LRRC10B: variants seen among roughly 807,000 people sequenced by gnomAD.
LRRC10B encodes the protein leucine rich repeat containing 10B.
For synonymous variants in LRRC10B, 204 were observed against 221.5 expected, an observed-to-expected ratio of 0.92 and a Z score of 0.70; for missense variants, 389 against 436.5, an observed-to-expected ratio of 0.89 and a Z score of 0.97.
Position 61,509,132 on chromosome 11 carries a change from G to T in LRRC10B, c.134G>T (p.Arg45Leu), listed in dbSNP as rs2062071783. 2 of 1,524,850 alleles carry T rather than the reference G, an allele frequency of 1.3e-6. No homozygotes were observed. The highest frequency in any genetic ancestry group is 2.0e-5 in the Admixed American group (1 of 50,110). The allele number at this position is 1,524,850 out of a possible 1,614,324, so 94.5% of individuals were successfully genotyped here. The change falls in exon 1 of 1, where the codon CGC (arginine) becomes CTC (leucine). Residue 45 changes from arginine (R) to leucine (L), a missense_variant. Transcript: ENST00000378075. ...RLPSAVCALS[R>L]LQKLYVSGTG... is the part of the protein sequence containing the mutation. ...CCCAGCGCAGTGTGCGCGCTGAGCC[G>T]CCTGCAGAAGCTGTATGTGAGCGGC...
chr11:61,508,992 C>T lies in LRRC10B; in HGVS notation c.-7C>T. 5 of 1,352,878 alleles carry T rather than the reference C, an allele frequency of 3.7e-6. No homozygotes were observed. The highest frequency in any genetic ancestry group is 3.1e-5 in the East Asian group (1 of 32,170). 83.8% of individuals were successfully genotyped at this position (1,352,878 alleles called of 1,614,324 possible). ...AGTGGCGGCGGCCCCGGCCGGGGCC[C>T]GTGACCATGGGCATCGCCGAGTCCA... On this transcript the variant is annotated 5_prime_UTR_variant, in exon 1 of 1. Transcript: ENST00000378075.
In LRRC10B at chr11:61,509,560, G is replaced by T. The variant is rs939660727; in HGVS notation, c.562G>T (p.Asp188Tyr). 44 of 1,519,116 alleles carry T rather than the reference G, an allele frequency of 2.9e-5. No individual in the cohort carries two copies. The highest frequency in any genetic ancestry group is 3.7e-5 in the Non-Finnish European group (42 of 1,140,494). The allele number at this position is 1,519,116 out of a possible 1,614,324, so 94.1% of individuals were successfully genotyped here. The change falls in exon 1 of 1, where the codon GAC becomes TAC. Residue 188 changes from aspartate (D) to tyrosine (Y), a missense_variant. By Grantham distance (160) the Asp-to-Tyr change is radical. Coordinates refer to ENST00000378075, the MANE Select transcript of LRRC10B (RefSeq NM_001145077.2). The part of the protein sequence containing the change: ...LLRMGRLHIL[D>Y]LDRNRLGGFP... ...GCGCATGGGCCGCCTGCACATCCTC[G>T]ACCTCGACCGCAACCGCCTGGGCGG...
At position 61,509,917 on chromosome 11, in the gene LRRC10B, G is replaced by C; in HGVS notation, c.*40G>C. On this transcript the variant is annotated 3_prime_UTR_variant, in exon 1 of 1. Transcript: ENST00000378075. ...TGATGGGCTTCAGCCACTCTGAGAGGAGGGGCTCTAGGAAGCTTTGGCTGG... is the reference window on the plus strand; with the variant it reads ...TGATGGGCTTCAGCCACTCTGAGAGCAGGGGCTCTAGGAAGCTTTGGCTGG... 6.9e-7 allele frequency: 1 copy of C among 1,450,768 alleles called. No homozygotes were observed. The highest frequency in any genetic ancestry group is 9.1e-7 in the Non-Finnish European group (1 of 1,104,928). The allele number at this position is 1,450,768 out of a possible 1,614,324, so 89.9% of individuals were successfully genotyped here.
Position 61,509,960 on chromosome 11 carries a change from G to GA in LRRC10B, c.*83_*84insA. ...TTGGCTGGTTAGGCCTGCGGGACTG[G>GA]TGGGTCCCTACTTAGGTCAATGGAA... is the stretch of plus-strand genomic sequence containing the variant. On this transcript the variant is annotated 3_prime_UTR_variant, in exon 1 of 1. Transcript: ENST00000378075. 7.4e-7 allele frequency: 1 copy of GA among 1,359,818 alleles called. No homozygotes were observed. Among genetic ancestry groups the GA allele is most frequent in the Non-Finnish European group, 9.7e-7 (1 of 1,035,600 alleles). 84.2% of individuals were successfully genotyped at this position (1,359,818 alleles called of 1,614,324 possible). A position where few individuals can be genotyped will look rare whatever the true frequency, so the allele number is the denominator to read the frequency against.
At position 61,510,119 on chromosome 11, in the gene LRRC10B, C is replaced by G. The variant is rs1590796016; in HGVS notation, c.*242C>G. On this transcript the variant is annotated 3_prime_UTR_variant, in exon 1 of 1. Transcript: ENST00000378075. ...TCAGACCAAGAAGTCTGGGCTGGGT[C>G]CAGTCCCCGATGGAGCCACTGATAA... The G allele has an allele frequency of 2.2e-6, 1 of 456,850 alleles. No homozygotes were observed. Among genetic ancestry groups the G allele is most frequent in the East Asian group, 3.6e-5 (1 of 27,476 alleles). 28.3% of individuals were successfully genotyped at this position (456,850 alleles called of 1,614,324 possible). A position where few individuals can be genotyped will look rare whatever the true frequency, so the allele number is the denominator to read the frequency against.
rs867837550 is a variant in LRRC10B, at chr11:61,508,889, G to A, written c.-110G>A. On this transcript the variant is annotated 5_prime_UTR_variant, in exon 1 of 1. Coordinates refer to ENST00000378075, the MANE Select transcript of LRRC10B (RefSeq NM_001145077.2). ...GGCGCGGGGGAAGGCCGGGGCGGGG[G>A]GCCCGGGGGCCGGCGCGGCTCCGGC... is the stretch of plus-strand genomic sequence containing the variant. 4.8e-6 allele frequency: 4 copies of A among 832,688 alleles called. No individual in the cohort carries two copies. The highest frequency in any genetic ancestry group is 6.1e-4 in the Middle Eastern group (1 of 1,650). The allele number at this position is 832,688 out of a possible 1,614,324, so 51.6% of individuals were successfully genotyped here. A position where few individuals can be genotyped will look rare whatever the true frequency, so the allele number is the denominator to read the frequency against.
In LRRC10B at chr11:61,509,240, G is replaced by T. The variant is rs1230452921; in HGVS notation, c.242G>T (p.Arg81Leu). The T allele has an allele frequency of 6.5e-7, 1 of 1,530,084 alleles. No homozygotes were observed. The highest frequency in any genetic ancestry group is 8.7e-7 in the Non-Finnish European group (1 of 1,144,198). The allele number at this position is 1,530,084 out of a possible 1,614,324, so 94.8% of individuals were successfully genotyped here. ...ILALDFNKLE[R>L]LPDGLCRLPR... ...GCGCTGGACTTCAACAAGCTCGAGCGACTGCCTGACGGCCTGTGCCGCCTG... is the reference window on the plus strand; with the variant it reads ...GCGCTGGACTTCAACAAGCTCGAGCTACTGCCTGACGGCCTGTGCCGCCTG... Residue 81 changes from arginine to leucine, a missense_variant, in exon 1 of 1, where the codon CGA (arginine) becomes CTA (leucine). Transcript: ENST00000378075.
Position 61,509,584 on chromosome 11 carries a change from G to T in LRRC10B, c.586G>T (p.Gly196Cys), listed in dbSNP as rs755400285. Residue 196 changes from glycine to cysteine, a missense_variant, in exon 1 of 1, where the codon GGC becomes TGC. Transcript: ENST00000378075. The part of the protein sequence containing the change: ...ILDLDRNRLG[G>C]FPDLHPLRAL... ...CGACCTCGACCGCAACCGCCTGGGC[G>T]GCTTCCCCGACCTGCACCCGCTGCG... is the stretch of plus-strand genomic sequence containing the variant. 8.5e-6 allele frequency: 13 copies of T among 1,520,730 alleles called. No individual in the cohort carries two copies. In the African/African-American group the frequency reaches 1.0e-4, roughly 12 times the overall value. 94.2% of individuals were successfully genotyped at this position (1,520,730 alleles called of 1,614,324 possible). A position where few individuals can be genotyped will look rare whatever the true frequency, so the allele number is the denominator to read the frequency against.
In LRRC10B at chr11:61,508,859, C is replaced by A. The variant is rs1046034727; in HGVS notation, c.-140C>A. 38 of 605,872 alleles carry A rather than the reference C, an allele frequency of 6.3e-5. 1 individual carries two copies. Among genetic ancestry groups the A allele is most frequent in the Non-Finnish European group, 7.8e-5 (38 of 485,008 alleles). The allele number at this position is 605,872 out of a possible 1,614,324, so 37.5% of individuals were successfully genotyped here. ...CTCCTCCCGGCCCCGCACGGCCCCC[C>A]TCCCGGCGCGGGGGAAGGCCGGGGC... On this transcript the variant is annotated 5_prime_UTR_variant, in exon 1 of 1. Coordinates refer to ENST00000378075, the MANE Select transcript of LRRC10B (RefSeq NM_001145077.2).
chr11:61,509,819 T>C lies in LRRC10B; in HGVS notation c.821T>C (p.Leu274Pro). ...ATAGGCGGCGCTGGTTCCCGGGCTC[T>C]GGGCGCCCCCGGGGGCAGCTTCCGC... ...LLIGGAGSRA[L>P]GAPGGSFRAL... is the part of the protein sequence containing the mutation. Residue 274 changes from leucine to proline, a missense_variant, in exon 1 of 1, where the codon CTG (leucine) becomes CCG (proline). Leu to Pro is a moderately conservative substitution (Grantham distance 98). Coordinates refer to ENST00000378075, the MANE Select transcript of LRRC10B (RefSeq NM_001145077.2). 1 of 1,532,532 alleles carries C rather than the reference T, an allele frequency of 6.5e-7. No homozygotes were observed. The highest frequency in any genetic ancestry group is 8.7e-7 in the Non-Finnish European group (1 of 1,143,030). 94.9% of individuals were successfully genotyped at this position (1,532,532 alleles called of 1,614,324 possible).
rs2062069718 is a variant in LRRC10B, at chr11:61,508,824, A to G, written c.-175A>G. On this transcript the variant is annotated 5_prime_UTR_variant, in exon 1 of 1. Transcript: ENST00000378075. ...GCGCGGCGCGCGGCGGCGGTGCCCC[A>G]AGTGGGTGCCTCCTCCCGGCCCCGC... The G allele has an allele frequency of 7.3e-6, 2 of 273,018 alleles. No homozygotes were observed. Among genetic ancestry groups the G allele is most frequent in the African/African-American group, 4.7e-5 (2 of 42,988 alleles). The allele number at this position is 273,018 out of a possible 1,614,324, so 16.9% of individuals were successfully genotyped here. A position where few individuals can be genotyped will look rare whatever the true frequency, so the allele number is the denominator to read the frequency against.
At position 61,509,499 on chromosome 11, in the gene LRRC10B, C is replaced by A; in HGVS notation, c.501C>A (p.Tyr167Ter). ...CGGGCTTGCGCGGCCTCTGGCTCTACGGCAACCGCTTCGAGGAGTTCCCGC... is the reference window on the plus strand; with the variant it reads ...CGGGCTTGCGCGGCCTCTGGCTCTAAGGCAACCGCTTCGAGGAGTTCCCGC... ...RMTGLRGLWL[Y>*]GNRFEEFPPA... Residue 167 changes from tyrosine (Y) to a stop codon, truncating the protein, a stop_gained, in exon 1 of 1, where the codon TAC becomes TAA. Coordinates refer to ENST00000378075, the MANE Select transcript of LRRC10B (RefSeq NM_001145077.2). LOFTEE classifies it low-confidence loss of function (END_TRUNC). 1 of 1,509,202 alleles carries A rather than the reference C, an allele frequency of 6.6e-7. No individual in the cohort carries two copies. Among genetic ancestry groups the A allele is most frequent in the Non-Finnish European group, 8.8e-7 (1 of 1,137,194 alleles). 93.5% of individuals were successfully genotyped at this position (1,509,202 alleles called of 1,614,324 possible).
At position 61,509,404 on chromosome 11, in the gene LRRC10B, G is replaced by C; in HGVS notation, c.406G>C (p.Val136Leu). The C allele has an allele frequency of 6.7e-7, 1 of 1,492,002 alleles. No homozygotes were observed. The highest frequency in any genetic ancestry group is 1.3e-5 in the South Asian group (1 of 78,624). 92.4% of individuals were successfully genotyped at this position (1,492,002 alleles called of 1,614,324 possible). The change falls in exon 1 of 1, where the codon GTG (valine) becomes CTG (leucine). Residue 136 changes from valine to leucine, a missense_variant. Transcript: ENST00000378075. ...RRFPRPLLRL[V>L]ALQSLQMGDN... Reference sequence around the variant, plus strand: ...CTTCCCGCGGCCGCTGCTGCGCCTGGTGGCGCTGCAGTCGCTCCAGATGGG... The same window carrying C: ...CTTCCCGCGGCCGCTGCTGCGCCTGCTGGCGCTGCAGTCGCTCCAGATGGG...
Position 61,509,652 on chromosome 11 carries a change from G to T in LRRC10B, c.654G>T (p.Gly218=). The T allele has an allele frequency of 1.3e-6, 2 of 1,519,984 alleles. No individual in the cohort carries two copies. The highest frequency in any genetic ancestry group is 1.8e-6 in the Non-Finnish European group (2 of 1,139,730). The allele number at this position is 1,519,984 out of a possible 1,614,324, so 94.2% of individuals were successfully genotyped here. A position where few individuals can be genotyped will look rare whatever the true frequency, so the allele number is the denominator to read the frequency against. Residue 218 remains glycine, a synonymous_variant, in exon 1 of 1, where the codon GGG becomes GGT. Transcript: ENST00000378075. ...CCTACGACCACAACCCCGTCACCGGGCCCCCGCGCGTCGCGGACACCGTGT... is the reference window on the plus strand; with the variant it reads ...CCTACGACCACAACCCCGTCACCGGTCCCCCGCGCGTCGCGGACACCGTGT... ...VFSYDHNPVT[G]PPRVADTVFL... is the part of the protein sequence containing the mutation.
chr11:61,509,009 C>G lies in LRRC10B; in HGVS notation c.11C>G (p.Ala4Gly). ...CCGGGGCCCGTGACCATGGGCATCG[C>G]CGAGTCCACGCCGGATGAGCTGCCG... MGIAESTPDELPSD... is the reference protein window; with the variant it reads MGIGESTPDELPSD... The change falls in exon 1 of 1, where the codon GCC (alanine) becomes GGC (glycine). Residue 4 changes from alanine to glycine, a missense_variant. By Grantham distance (60) the Ala-to-Gly change is moderately conservative (BLOSUM62 0). Coordinates refer to ENST00000378075, the MANE Select transcript of LRRC10B (RefSeq NM_001145077.2). 7.1e-7 allele frequency: 1 copy of G among 1,409,014 alleles called. No individual in the cohort carries two copies. Among genetic ancestry groups the G allele is most frequent in the Non-Finnish European group, 9.2e-7 (1 of 1,089,774 alleles). The allele number at this position is 1,409,014 out of a possible 1,614,324, so 87.3% of individuals were successfully genotyped here.
In LRRC10B at chr11:61,509,573, AC is replaced by A; in HGVS notation, c.577del (p.Arg193AlafsTer74). ...GRLHILDLDR[N>X]RLGGFPDLHP... Reference sequence around the variant, plus strand: ...CTGCACATCCTCGACCTCGACCGCAACCGCCTGGGCGGCTTCCCCGACCTGC... The same window carrying A: ...CTGCACATCCTCGACCTCGACCGCAACGCCTGGGCGGCTTCCCCGACCTGC... On this transcript the variant is annotated frameshift_variant, in exon 1 of 1. Transcript: ENST00000378075. LOFTEE classifies it high-confidence loss of function. The A allele has an allele frequency of 1.3e-6, 2 of 1,519,744 alleles. No individual in the cohort carries two copies. Among genetic ancestry groups the A allele is most frequent in the Non-Finnish European group, 8.8e-7 (1 of 1,140,486 alleles). 94.1% of individuals were successfully genotyped at this position (1,519,744 alleles called of 1,614,324 possible).
chr11:61,509,674 G>A lies in LRRC10B; in HGVS notation c.676G>A (p.Val226Met). The A allele has an allele frequency of 6.6e-7, 1 of 1,519,738 alleles. No homozygotes were observed. Among genetic ancestry groups the A allele is most frequent in the South Asian group, 1.2e-5 (1 of 82,088 alleles). 94.1% of individuals were successfully genotyped at this position (1,519,738 alleles called of 1,614,324 possible). A position where few individuals can be genotyped will look rare whatever the true frequency, so the allele number is the denominator to read the frequency against. The change falls in exon 1 of 1, where the codon GTG becomes ATG. Residue 226 changes from valine (V) to methionine (M), a missense_variant. By Grantham distance (21) the Val-to-Met change is conservative. Transcript: ENST00000378075. ...CGGGCCCCCGCGCGTCGCGGACACCGTGTTCCTCGTGGGCGAGGGCGCCGT... is the reference window on the plus strand; with the variant it reads ...CGGGCCCCCGCGCGTCGCGGACACCATGTTCCTCGTGGGCGAGGGCGCCGT... Reference protein sequence around the residue: ...VTGPPRVADTVFLVGEGAVER... With the variant: ...VTGPPRVADTMFLVGEGAVER...
rs1000872709 is a variant in LRRC10B, at chr11:61,510,061, C to G, written c.*184C>G. The G allele has an allele frequency of 1.8e-6, 1 of 571,282 alleles. No homozygotes were observed. The highest frequency in any genetic ancestry group is 3.0e-6 in the Non-Finnish European group (1 of 337,188). The allele number at this position is 571,282 out of a possible 1,614,324, so 35.4% of individuals were successfully genotyped here. A position where few individuals can be genotyped will look rare whatever the true frequency, so the allele number is the denominator to read the frequency against. On this transcript the variant is annotated 3_prime_UTR_variant, in exon 1 of 1. Coordinates refer to ENST00000378075, the MANE Select transcript of LRRC10B (RefSeq NM_001145077.2). ...CAGACACTCCTAGGTAGTAAGAGGACTGACTATACCCTGGCTGATCTGTGG... is the reference window on the plus strand; with the variant it reads ...CAGACACTCCTAGGTAGTAAGAGGAGTGACTATACCCTGGCTGATCTGTGG...
chr11:61,509,676 G>A lies in LRRC10B; in HGVS notation c.678G>A (p.Val226=). The A allele has an allele frequency of 6.6e-7, 1 of 1,519,850 alleles. No individual in the cohort carries two copies. Among genetic ancestry groups the A allele is most frequent in the Non-Finnish European group, 8.8e-7 (1 of 1,139,782 alleles). 94.1% of individuals were successfully genotyped at this position (1,519,850 alleles called of 1,614,324 possible). ...VTGPPRVADT[V]FLVGEGAVER... is the part of the protein sequence containing the mutation. The stretch of plus-strand genomic sequence containing the variant: ...GGCCCCCGCGCGTCGCGGACACCGT[G>A]TTCCTCGTGGGCGAGGGCGCCGTCG... Residue 226 remains valine, a synonymous_variant, in exon 1 of 1, where the codon GTG becomes GTA. Transcript: ENST00000378075.
Sources: allele counts gnomAD v4.1 joint callset, GRCh38; gene constraint gnomAD v4.1.1; transcripts MANE v1.5; gene names NCBI Gene and HGNC (gene_info 2026-07-23, HGNC 2026-07-21).